SLFN12L: variants seen among roughly 807,000 people sequenced by gnomAD.
SLFN12L encodes schlafen family member 12-like.
A neutral mutation model predicts 34.8 loss-of-function variants in SLFN12L; 34 were observed. That is an observed-to-expected ratio of 0.98 (90% CI 0.74 to 1.30). The LOEUF (loss-of-function observed/expected upper bound fraction) is 1.30. Ranked by LOEUF, SLFN12L falls within the 50% of genes most tolerant of loss-of-function variation. SLFN12L has a pLI of 0.00. For missense variants in SLFN12L, 703 were observed against 696.2 expected, an observed-to-expected ratio of 1.01 and a Z score of -0.11; for synonymous variants, 259 against 247.5, an observed-to-expected ratio of 1.05 and a Z score of -0.44.
chr17:35,486,528 T>C (rs1914588643), intron 2 of SLFN12L, among the ~76,000 whole-genome samples: 1 of 152,090 alleles, frequency 6.6e-6, no homozygotes. Flanking sequence ...CCTGCAGCCA[T>C]GTAAAACTTT....
chr17:35,535,257 C>T (rs1399489948), intron 1 of SLFN12L, among the ~76,000 whole-genome samples: 2 of 147,024 alleles, frequency 1.4e-5, no homozygotes, highest in Admixed American at 1.4e-4. Flanking sequence ...ATGGCGTGAT[C>T]TCGGCTCACC....
chr17:35,497,180 C>G (rs950527489), intron 2 of SLFN12L, among the ~76,000 whole-genome samples: 2 of 152,168 alleles, frequency 1.3e-5, no homozygotes, highest in African/African-American at 2.4e-5. Flanking sequence ...CACCTTAGGT[C>G]AGGAGTTCCA....
intron 2 of SLFN12L, among the ~76,000 whole-genome samples, chr17:35,508,065 C>T (rs1327155152): frequency 3.3e-5 from 5 of 152,206 alleles, no homozygotes; most frequent in East Asian, 3.8e-4. Context: ...TAATCAGTTA[C>T]GTTATCTATA....
Position 35,522,524 on chromosome 17 carries a change from G to T in SLFN12L, c.-160C>A. 1.2e-6 allele frequency: 2 copies of T among 1,612,480 alleles called. No homozygotes were observed. The highest frequency in any genetic ancestry group is 1.7e-6 in the Non-Finnish European group (2 of 1,179,156). ...GGTCACTCAAGAGAGACCTGAAGCC[G>T]AGCAAGACAATCACGAGGGACTGCA... On this transcript the variant is annotated 5_prime_UTR_variant, in exon 2 of 5. Transcript: ENST00000628453.
chr17:35,469,659 T>C lies in SLFN12L; in HGVS notation c.*5264A>G, dbSNP rs1167889675. 6.6e-6 allele frequency among the ~76,000 whole-genome samples: 1 copy of C among 152,126 alleles called. No homozygotes were observed. Among genetic ancestry groups the C allele is most frequent in the East Asian group, 1.9e-4 (1 of 5,186 alleles). ...GGTCTTACTGTGTTTTCCTAGGTTC[T>C]GTACTTGTCTATTTGGCATCCATTA... is the stretch of plus-strand genomic sequence containing the variant. On this transcript the variant is annotated 3_prime_UTR_variant, in exon 5 of 5. Transcript: ENST00000628453.
At chr17:35,523,935 A>T (rs982115950) in intron 1 of SLFN12L, among the ~76,000 whole-genome samples, 2 of 145,804 alleles carry the variant, frequency 1.4e-5, no homozygotes, top group Non-Finnish European at 3.1e-5. Context: ...AACTTGTCTT[A>T]AAAAAAAAAA....
chr17:35,530,438 AG>A (rs1391713204), intron 1 of SLFN12L, among the ~76,000 whole-genome samples: 12 of 9,982 alleles, frequency 1.2e-3, no homozygotes, highest in Admixed American at 2.3e-3. Context: ...AGGGAAGGGA[AG>A]GGAAGAAAGA....
At chr17:35,480,227 A>G in intron 2 of SLFN12L, 32 bp from the exon 3 acceptor site, 1 of 1,486,176 alleles carries the variant, frequency 6.7e-7, no homozygotes, top group Non-Finnish European at 9.0e-7. Context: ...ATAGGAGTTA[A>G]GCCTGAGAGA....
At chr17:35,536,685 A>G (rs545007663) in intron 1 of SLFN12L, among the ~76,000 whole-genome samples, 2 of 151,868 alleles carry the variant, frequency 1.3e-5, no homozygotes, top group South Asian at 4.2e-4. Flanking sequence ...TGCATGGTCT[A>G]TAGTCCCAGC....
intron 2 of SLFN12L, among the ~76,000 whole-genome samples, chr17:35,508,274 G>A (rs998951153): frequency 6.6e-6 from 1 of 152,204 alleles, no homozygotes; most frequent in Non-Finnish European, 1.5e-5. Context: ...AGTTTTTGGA[G>A]ACGTGAGTCT....
chr17:35,514,627 T>C lies in SLFN12L; in HGVS notation c.86+7652A>G. On this transcript the variant is annotated intron_variant, in intron 2 of 4. Transcript: ENST00000628453. ...GAAAAATAAATGAACCAAATGGATTTACACAAAGTAAACATTAACTTTGGT... is the reference window on the plus strand; with the variant it reads ...GAAAAATAAATGAACCAAATGGATTCACACAAAGTAAACATTAACTTTGGT... 4 of 252,816 alleles carry C rather than the reference T, an allele frequency of 1.6e-5. No homozygotes were observed. The South Asian group carries it at 1.8e-4, about 11-fold the overall frequency. The allele number at this position is 252,816 out of a possible 1,614,324, so 15.7% of individuals were successfully genotyped here. A position where few individuals can be genotyped will look rare whatever the true frequency, so the allele number is the denominator to read the frequency against.
At chr17:35,531,044 TA>T (rs2072406726) in intron 1 of SLFN12L, among the ~76,000 whole-genome samples, 1 of 151,926 alleles carries the variant, frequency 6.6e-6, no homozygotes, top group African/African-American at 2.4e-5. Flanking sequence ...AAGAGAAAGA[TA>T]AAAGTAGAGT....
At chr17:35,510,454 C>A (rs1915601826) in intron 2 of SLFN12L, among the ~76,000 whole-genome samples, 1 of 152,206 alleles carries the variant, frequency 6.6e-6, no homozygotes, top group Admixed American at 6.5e-5. Flanking sequence ...CAGGCTGCAA[C>A]ACGGATGAAC....
At chr17:35,476,385 G>A (rs1914004876) in intron 4 of SLFN12L, among the ~76,000 whole-genome samples, 1 of 151,612 alleles carries the variant, frequency 6.6e-6, no homozygotes, top group South Asian at 2.1e-4. Flanking sequence ...TGGATTGCTT[G>A]AGCCCAGGAG....
At chr17:35,481,223 G>A (rs1339281099) in intron 2 of SLFN12L, among the ~76,000 whole-genome samples, 1 of 152,206 alleles carries the variant, frequency 6.6e-6, no homozygotes, top group Non-Finnish European at 1.5e-5. Flanking sequence ...GAAGGCACCT[G>A]TTACTTAGCA....
rs1394136153 is a variant in SLFN12L, at chr17:35,479,721, G to A, written c.561C>T (p.Phe187=). ...KVMNASAALE[F]LKDMEKTGGR... ...CTCCAGTTTTTTCCATGTCTTTGAG[G>A]AACTCCAGTGCAGCAGAAGCATTCA... Residue 187 remains phenylalanine (F), a synonymous_variant, in exon 3 of 5, where the codon TTC becomes TTT. Coordinates refer to ENST00000628453, the MANE Select transcript of SLFN12L (RefSeq NM_001363830.2). 6.2e-7 allele frequency: 1 copy of A among 1,614,024 alleles called. No individual in the cohort carries two copies. Among genetic ancestry groups the A allele is most frequent in the African/African-American group, 1.3e-5 (1 of 75,004 alleles).
rs774801453 is a variant in SLFN12L, at chr17:35,475,171, T to A, written c.1591A>T (p.Thr531Ser). The change falls in exon 5 of 5, where the codon ACT becomes TCT. Residue 531 changes from threonine (T) to serine (S), a missense_variant. Coordinates refer to ENST00000628453, the MANE Select transcript of SLFN12L (RefSeq NM_001363830.2). ...KQKLAKIGGY[T>S]KKVCVMTKIF... ...TTTGTCATGACACACACTTTTTTAG[T>A]GTAACCACCAATTTTTGCCAGCTTC... 6.2e-7 allele frequency: 1 copy of A among 1,614,202 alleles called. No individual in the cohort carries two copies. Among genetic ancestry groups the A allele is most frequent in the Non-Finnish European group, 8.5e-7 (1 of 1,180,032 alleles).
Position 35,481,736 on chromosome 17 carries a change from CTG to C in SLFN12L, c.87-1543_87-1542del, listed in dbSNP as rs1022728900. Among the ~76,000 whole-genome samples, 162 of 152,326 alleles carry C rather than the reference CTG, an allele frequency of 1.1e-3. 1 individual carries two copies. Among genetic ancestry groups the C allele is most frequent in the African/African-American group, 3.8e-3 (157 of 41,574 alleles). On this transcript the variant is annotated intron_variant, in intron 2 of 4. Coordinates refer to ENST00000628453, the MANE Select transcript of SLFN12L (RefSeq NM_001363830.2). ...GCTGTTTTTCTTATATCTCTTTGTC[CTG>C]TGTCTTTATTTCTACAATCTCTCGT...
At position 35,474,769 on chromosome 17, in the gene SLFN12L, C is replaced by CAA. The variant is rs71152720; in HGVS notation, c.*152_*153dup. On this transcript the variant is annotated 3_prime_UTR_variant, in exon 5 of 5. Transcript: ENST00000628453. Reference sequence around the variant, plus strand: ...TGAAACCCCATCTCTGCTAAAAATACAAAAAAAAAAAAATTAGCCAGGTGT... The same window carrying CAA: ...TGAAACCCCATCTCTGCTAAAAATACAAAAAAAAAAAAAAATTAGCCAGGTGT... 8,807 of 594,914 alleles carry CAA rather than the reference C, an allele frequency of 0.015. 1 individual carries two copies. The highest frequency in any genetic ancestry group is 0.022 in the Middle Eastern group (43 of 1,942). 36.9% of individuals were successfully genotyped at this position (594,914 alleles called of 1,614,324 possible). A position where few individuals can be genotyped will look rare whatever the true frequency, so the allele number is the denominator to read the frequency against.
Sources: allele counts gnomAD v4.1 joint callset (sites outside exome capture counted in the v4.1 genomes callset), GRCh38; gene constraint gnomAD v4.1.1; transcripts MANE v1.5; gene names NCBI Gene and HGNC (gene_info 2026-07-23, HGNC 2026-07-21).